The following PTPRT variants were observed in gnomAD, a reference collection of about 807,000 sequenced individuals.
PTPRT encodes receptor-type tyrosine-protein phosphatase T.
In PTPRT, 56 loss-of-function variants were observed where a neutral mutation model predicts 176.8. The ratio of observed to expected loss-of-function variants is 0.32; its 90% CI spans 0.26 to 0.40. The LOEUF (loss-of-function observed/expected upper bound fraction) is 0.40, where lower values mean the gene tolerates loss of function less well. Among genes scored for constraint, PTPRT ranks in the 10% least tolerant of loss-of-function variants. The probability of loss-of-function intolerance (pLI) is 1.00; values close to 1 mark genes in which losing one functional copy is unlikely to be tolerated. For missense variants in PTPRT, 1,540 were observed against 1,908.2 expected (o/e 0.81, Z 3.60); for synonymous variants, 783 against 739.0 (o/e 1.06, Z -0.96).
At chr20:43,084,867 T>C (rs1299339692) in intron 1 of PTPRT, among the ~76,000 whole-genome samples, 3 of 152,226 alleles carry the variant, frequency 2.0e-5, no homozygotes, top group Non-Finnish European at 2.9e-5. Context: ...TGGGTTTTTC[T>C]TCTTTCTACC....
intron 6 of PTPRT, among the ~76,000 whole-genome samples, chr20:42,717,414 T>C (rs960013637): frequency 2.0e-5 from 3 of 152,068 alleles, no homozygotes; most frequent in Non-Finnish European, 4.4e-5. Flanking sequence ...TGGGGAAAGA[T>C]GATATTTTTA....
intron 1 of PTPRT, among the ~76,000 whole-genome samples, chr20:43,153,876 C>A (rs1208357506): frequency 6.6e-6 from 1 of 152,128 alleles, no homozygotes; most frequent in East Asian, 1.9e-4. Flanking sequence ...AGGTTCATAA[C>A]CAGGAAAGAG....
At chr20:42,218,673 A>G (rs1208960688) in intron 15 of PTPRT, among the ~76,000 whole-genome samples, 1 of 152,208 alleles carries the variant, frequency 6.6e-6, no homozygotes, top group Non-Finnish European at 1.5e-5. Flanking sequence ...ATTGGTGTGA[A>G]TCACTCTGGG....
chr20:43,189,785 C>G lies in PTPRT; in HGVS notation c.-52G>C. 1 of 1,024,958 alleles carries G rather than the reference C, an allele frequency of 9.8e-7. No homozygotes were observed. Among genetic ancestry groups the G allele is most frequent in the Non-Finnish European group, 1.2e-6 (1 of 843,476 alleles). 63.5% of individuals were successfully genotyped at this position (1,024,958 alleles called of 1,614,324 possible). A position where few individuals can be genotyped will look rare whatever the true frequency, so the allele number is the denominator to read the frequency against. On this transcript the variant is annotated 5_prime_UTR_variant, in exon 1 of 31. Coordinates refer to ENST00000373187, the MANE Select transcript of PTPRT (RefSeq NM_007050.6). This position sits in a 1 kb window ranked among gnomAD's most constrained non-coding sequence, Gnocchi z 5.0. ...CTTCCCGCGGGGGCCGGGGCCGGGA[C>G]TGGGGCGGGCGCGGGGTGGCCCCGC...
At chr20:42,309,224 G>T (rs1039208399) in intron 12 of PTPRT, among the ~76,000 whole-genome samples, 6 of 152,190 alleles carry the variant, frequency 3.9e-5, no homozygotes. Context: ...CACTTGTTTT[G>T]CATCCAACCG....
chr20:42,735,391 C>A (rs6072848), intron 6 of PTPRT, among the ~76,000 whole-genome samples: 2 of 151,168 alleles, frequency 1.3e-5, no homozygotes, highest in African/African-American at 4.9e-5. Flanking sequence ...GAGTTCATGG[C>A]AGAACCATGA....
intron 8 of PTPRT, among the ~76,000 whole-genome samples, chr20:42,468,141 C>T (rs1402173454): frequency 3.3e-5 from 5 of 152,192 alleles, no homozygotes; most frequent in Admixed American, 2.6e-4. Context: ...CTTCGCAGGC[C>T]GTCAAATGCA....
chr20:42,363,982 G>A (rs909867819), intron 9 of PTPRT, among the ~76,000 whole-genome samples: 7 of 152,180 alleles, frequency 4.6e-5, no homozygotes, highest in Admixed American at 4.6e-4. Context: ...AGACATGTTA[G>A]GAGTATTTGG....
At chr20:42,962,454 A>G (rs1227627549) in intron 1 of PTPRT, among the ~76,000 whole-genome samples, 1 of 152,186 alleles carries the variant, frequency 6.6e-6, no homozygotes, top group Non-Finnish European at 1.5e-5. Flanking sequence ...TAAATTACAA[A>G]AAAAAAACCT....
In PTPRT at chr20:42,315,771, G is replaced by A. The variant is rs2145375287; in HGVS notation, c.2091C>T (p.Pro697=). 2 of 1,614,084 alleles carry A rather than the reference G, an allele frequency of 1.2e-6. No individual in the cohort carries two copies. Among genetic ancestry groups the A allele is most frequent in the East Asian group, 4.5e-5 (2 of 44,874 alleles). ...YNGYWNPPLS[P]LKSYSIYFQA... ...GGAAGTAGATGCTGTAGCTTTTCAG[G>A]GGAGAGAGAGGAGGGTTCCAGTAGC... The change falls in exon 12 of 31, where the codon CCC becomes CCT. Residue 697 remains proline (P), a synonymous_variant. Coordinates refer to ENST00000373187, the MANE Select transcript of PTPRT (RefSeq NM_007050.6).
At chr20:42,100,105 C>T (rs1198204616) in intron 26 of PTPRT, among the ~76,000 whole-genome samples, 2 of 152,288 alleles carry the variant, frequency 1.3e-5, no homozygotes, top group Middle Eastern at 3.4e-3. Context: ...GATGAGAATA[C>T]CCACATGCAA....
intron 1 of PTPRT, among the ~76,000 whole-genome samples, chr20:43,018,884 G>C (rs1246304422): frequency 1.3e-5 from 2 of 152,158 alleles, no homozygotes. Flanking sequence ...GGATTAGGGA[G>C]AATGGATATT....
chr20:42,855,274 C>G (rs2078540959), intron 2 of PTPRT, among the ~76,000 whole-genome samples: 1 of 151,964 alleles, frequency 6.6e-6, no homozygotes, highest in South Asian at 2.1e-4. Flanking sequence ...TTTCACAGAA[C>G]CTCCATCTTC....
intron 1 of PTPRT, among the ~76,000 whole-genome samples, chr20:43,004,086 A>C (rs1984727398): frequency 6.6e-6 from 1 of 152,164 alleles, no homozygotes; most frequent in African/African-American, 2.4e-5. Context: ...CCAAGCCAAA[A>C]ATATAAATTC....
chr20:42,565,963 T>C (rs2073032848), intron 7 of PTPRT, among the ~76,000 whole-genome samples: 1 of 152,050 alleles, frequency 6.6e-6, no homozygotes, highest in Non-Finnish European at 1.5e-5. Context: ...TCTCCCAAAT[T>C]CACTCTCACC....
chr20:42,751,702 C>T (rs997269595), intron 6 of PTPRT, among the ~76,000 whole-genome samples: 25 of 152,224 alleles, frequency 1.6e-4, no homozygotes, highest in Admixed American at 5.2e-4. Flanking sequence ...ATGCTGCCCT[C>T]GAACATCAGG....
chr20:42,054,252 T>A, the PTPRT span, among the ~76,000 whole-genome samples: 3 of 152,166 alleles, frequency 2.0e-5, no homozygotes, highest in East Asian at 1.9e-4. Context: ...CTCATTACAG[T>A]GTTCTCCACT....
At chr20:42,685,814 T>C (rs1450334104) in intron 6 of PTPRT, 2 of 152,202 alleles carry the variant, frequency 1.3e-5, no homozygotes, top group South Asian at 2.1e-4. Flanking sequence ...TTATTATAAA[T>C]ATAAGCATTT....
intron 6 of PTPRT, among the ~76,000 whole-genome samples, chr20:42,689,836 G>C (rs933512171): frequency 6.6e-6 from 1 of 152,108 alleles, no homozygotes. Context: ...ATCTACAAAA[G>C]GCAAGGGAAT....
Sources: gnomAD v4.1 joint callset for allele counts (sites outside exome capture counted in the v4.1 genomes callset) on GRCh38, gnomAD v4.1.1 for gene constraint, Gnocchi (gnomAD v3.1) non-coding constraint, MANE v1.5 for transcripts, NCBI Gene and HGNC (gene_info 2026-07-23, HGNC 2026-07-21) for gene names.